The following PTPRD variants were observed in gnomAD, a reference collection of about 807,000 sequenced individuals.
The protein encoded by PTPRD is protein tyrosine phosphatase receptor type D.
PTPRD carries 34 observed loss-of-function variants against 214.5 expected under a neutral mutation model. The ratio of observed to expected loss-of-function variants is 0.16; its 90% CI spans 0.12 to 0.21. PTPRD has a LOEUF of 0.21. Ranked by LOEUF, PTPRD falls within the 10% of genes least tolerant of loss-of-function variation. PTPRD has a pLI of 1.00. For synonymous variants in PTPRD, 1,128 were observed against 845.7 expected, an observed-to-expected ratio of 1.33 and a Z score of -5.79; for missense variants, 2,545 against 2,398.7, an observed-to-expected ratio of 1.06 and a Z score of -1.27.
chr9:9,547,090 T>C (rs1424370091), intron 8 of PTPRD, among the ~76,000 whole-genome samples: 1 of 152,004 alleles, frequency 6.6e-6, no homozygotes, highest in Non-Finnish European at 1.5e-5. Context: ...TCACAAAGAC[T>C]CTACAAAAAC....
At chr9:8,669,032 C>T (rs2097223678) in intron 12 of PTPRD, among the ~76,000 whole-genome samples, 1 of 151,950 alleles carries the variant, frequency 6.6e-6, no homozygotes, top group African/African-American at 2.4e-5. Flanking sequence ...GGGAGTTCAG[C>T]GGAGAGAGAG....
chr9:8,402,445 CA>C (rs994743870), intron 36 of PTPRD, among the ~76,000 whole-genome samples: 4 of 152,120 alleles, frequency 2.6e-5, no homozygotes, highest in Admixed American at 1.3e-4. Context: ...AGCAAAAGTA[CA>C]GCGAAGTGGT....
intron 9 of PTPRD, among the ~76,000 whole-genome samples, chr9:9,245,575 C>T (rs2099972652): frequency 6.6e-6 from 1 of 151,544 alleles, no homozygotes; most frequent in East Asian, 2.0e-4. Context: ...ACAATGAGAA[C>T]ACTTGGACAC....
intron 6 of PTPRD, among the ~76,000 whole-genome samples, chr9:9,766,025 G>A (rs918164468): frequency 2.6e-5 from 4 of 152,254 alleles, no homozygotes; most frequent in Admixed American, 2.6e-4. Context: ...TAGAGAAGCC[G>A]TGATAATTAA....
At chr9:8,673,672 CG>C (rs2097335693) in intron 12 of PTPRD, among the ~76,000 whole-genome samples, 1 of 152,050 alleles carries the variant, frequency 6.6e-6, no homozygotes, top group South Asian at 2.1e-4. Context: ...TTCTTGACCT[CG>C]TATATTTATT....
At chr9:10,437,881 G>A (rs150643773) in intron 2 of PTPRD, among the ~76,000 whole-genome samples, 30 of 150,472 alleles carry the variant, frequency 2.0e-4, no homozygotes, top group African/African-American at 6.4e-4. Flanking sequence ...AGATGAGGCC[G>A]CCTTTCCTTT....
chr9:10,127,679 T>C (rs1413956418), intron 3 of PTPRD, among the ~76,000 whole-genome samples: 1 of 152,172 alleles, frequency 6.6e-6, no homozygotes, highest in African/African-American at 2.4e-5. Context: ...ATATAAAATA[T>C]ACAACCTACA....
chr9:9,913,909 C>T (rs772719884), intron 5 of PTPRD, among the ~76,000 whole-genome samples: 7 of 152,156 alleles, frequency 4.6e-5, no homozygotes, highest in Non-Finnish European at 7.4e-5. Context: ...CTGGAATATG[C>T]ATTGTTCTGG....
At chr9:8,852,161 G>A (rs530173893) in intron 11 of PTPRD, among the ~76,000 whole-genome samples, 29 of 152,258 alleles carry the variant, frequency 1.9e-4, no homozygotes, top group Non-Finnish European at 3.5e-4. Flanking sequence ...AAGCAGTACT[G>A]AGAAATGCTG....
chr9:10,403,227 A>ATATATATATATAT (rs2098301499), intron 2 of PTPRD, among the ~76,000 whole-genome samples: 3 of 59,878 alleles, frequency 5.0e-5, no homozygotes, highest in African/African-American at 6.0e-5. Context: ...TGTGTGTGTA[A>ATATATATATATAT]ATATATATAT....
At chr9:8,674,394 G>C (rs2097356051) in intron 12 of PTPRD, among the ~76,000 whole-genome samples, 1 of 147,708 alleles carries the variant, frequency 6.8e-6, no homozygotes, top group Admixed American at 6.9e-5. Context: ...GGAGGCGGAG[G>C]TTGCAGTGAG....
intron 9 of PTPRD, among the ~76,000 whole-genome samples, chr9:9,334,010 T>A (rs1445810145): frequency 6.6e-6 from 1 of 152,006 alleles, no homozygotes; most frequent in Non-Finnish European, 1.5e-5. Flanking sequence ...TAAGCTAGTC[T>A]GTACATTTAA....
intron 8 of PTPRD, among the ~76,000 whole-genome samples, chr9:9,513,425 T>C (rs1324275388): frequency 1.3e-5 from 2 of 151,996 alleles, no homozygotes; most frequent in East Asian, 3.9e-4. Flanking sequence ...TTTTTACTCA[T>C]GTGTATTTAA....
intron 31 of PTPRD, among the ~76,000 whole-genome samples, chr9:8,466,113 G>C (rs1185477172): frequency 6.6e-6 from 1 of 151,922 alleles, no homozygotes; most frequent in Non-Finnish European, 1.5e-5. Context: ...GAAGAGGTTA[G>C]TGCCACTTTA....
At chr9:8,841,439 TA>T (rs1255896043) in intron 11 of PTPRD, among the ~76,000 whole-genome samples, 4 of 152,118 alleles carry the variant, frequency 2.6e-5, no homozygotes, top group Admixed American at 6.5e-5. Flanking sequence ...TTATTTTTTT[TA>T]ATTAAAAAAT....
chr9:10,416,580 A>G lies in PTPRD; in HGVS notation c.-599-75563T>C, dbSNP rs1387286645. 2.0e-5 allele frequency among the ~76,000 whole-genome samples: 3 copies of G among 151,964 alleles called. No homozygotes were observed. The East Asian group carries it at 5.8e-4, about 30-fold the overall frequency. On this transcript the variant is annotated intron_variant, in intron 2 of 45. Transcript: ENST00000381196. ...AAAAAGAACAGCTTATGAGAAAACA[A>G]ACAGTGAAAATTGTCAAATATAAGT...
intron 10 of PTPRD, among the ~76,000 whole-genome samples, chr9:9,040,844 G>C (rs1432910670): frequency 1.3e-5 from 2 of 152,232 alleles, no homozygotes; most frequent in East Asian, 3.9e-4. Flanking sequence ...CCATTCTTTA[G>C]GAGTTTAGAG....
chr9:9,976,325 C>T (rs1174351291), intron 4 of PTPRD, among the ~76,000 whole-genome samples: 1 of 151,952 alleles, frequency 6.6e-6, no homozygotes, highest in Non-Finnish European at 1.5e-5. Flanking sequence ...AAAACAAAAA[C>T]AAAAAATATA....
intron 8 of PTPRD, among the ~76,000 whole-genome samples, chr9:9,443,487 A>C (rs914230627): frequency 6.6e-6 from 1 of 152,202 alleles, no homozygotes; most frequent in Non-Finnish European, 1.5e-5. Context: ...GGCCAACAGA[A>C]TGTAACAGAA....
Sources: gnomAD v4.1 joint callset for allele counts (sites outside exome capture counted in the v4.1 genomes callset) on GRCh38, gnomAD v4.1.1 for gene constraint, MANE v1.5 for transcripts, NCBI Gene and HGNC (gene_info 2026-07-23, HGNC 2026-07-21) for gene names.